Variants in GABRG1 observed in about 807,000 individuals in gnomAD.
The protein encoded by GABRG1 is gamma-aminobutyric acid type A receptor subunit gamma1.
In GABRG1, 49 loss-of-function variants were observed where a neutral mutation model predicts 49.8. The observed-to-expected ratio is 0.98, with a 90% CI of 0.78 to 1.25. The LOEUF is 1.25. Among genes scored for constraint, GABRG1 ranks in the 50% most tolerant of loss-of-function variants. GABRG1 has a pLI of 0.00. For synonymous variants in GABRG1, 232 were observed against 185.1 expected (o/e 1.25, Z -2.06); for missense variants, 552 against 552.3 (o/e 1.00, Z 0.01).
Position 46,038,576 on chromosome 4 carries a change from G to A in GABRG1, c.*2412C>T, listed in dbSNP as rs1172743326. The A allele has an allele frequency of 1.3e-5, 2 of 151,420 alleles. No homozygotes were observed. The highest frequency in any genetic ancestry group is 2.4e-5 in the African/African-American group (1 of 41,324). The allele number at this position is 151,420 out of a possible 1,614,324, so 9.4% of individuals were successfully genotyped here. A position where few individuals can be genotyped will look rare whatever the true frequency, so the allele number is the denominator to read the frequency against. Reference sequence around the variant, plus strand: ...ATTTTTTAAAAAAATTATTTCTCAAGGTGGTGAAACTTATACTTGGAATAG... The same window carrying A: ...ATTTTTTAAAAAAATTATTTCTCAAAGTGGTGAAACTTATACTTGGAATAG... On this transcript the variant is annotated 3_prime_UTR_variant, in exon 9 of 9. Coordinates refer to ENST00000295452, the MANE Select transcript of GABRG1 (RefSeq NM_173536.4).
chr4:46,043,402 TGAAA>T (rs1239201194), intron 8 of GABRG1, among the ~76,000 whole-genome samples: 2 of 151,836 alleles, frequency 1.3e-5, no homozygotes, highest in African/African-American at 4.8e-5. Context: ...GTTCATGAAT[TGAAA>T]GAAACTACAC....
chr4:46,056,755 T>A (rs1433003967), intron 7 of GABRG1, among the ~76,000 whole-genome samples: 1 of 152,100 alleles, frequency 6.6e-6, no homozygotes, highest in Non-Finnish European at 1.5e-5. Context: ...TTCAGGAAAT[T>A]GTCTTGCAGT....
chr4:46,048,363 G>A (rs1267638592), intron 8 of GABRG1, among the ~76,000 whole-genome samples: 2 of 147,234 alleles, frequency 1.4e-5, no homozygotes, highest in Non-Finnish European at 3.0e-5. Context: ...TGGTCATAAT[G>A]GAATAGAGAA....
At chr4:46,109,711 GTC>G (rs1720661369) in intron 1 of GABRG1, among the ~76,000 whole-genome samples, 1 of 151,094 alleles carries the variant, frequency 6.6e-6, no homozygotes, top group Non-Finnish European at 1.5e-5. Flanking sequence ...AGTATATTGT[GTC>G]TCTGTCTTCA....
intron 8 of GABRG1, among the ~76,000 whole-genome samples, chr4:46,044,891 G>A (rs917955173): frequency 5.9e-5 from 9 of 152,028 alleles, no homozygotes; most frequent in African/African-American, 1.7e-4. Context: ...AGAAAGGTTA[G>A]GGCTCTTGAT....
At chr4:46,096,888 T>C (rs756803001) in intron 2 of GABRG1, among the ~76,000 whole-genome samples, 8 of 151,802 alleles carry the variant, frequency 5.3e-5, no homozygotes, top group Non-Finnish European at 8.8e-5. Flanking sequence ...AAAATGGTCA[T>C]TATTCTGTAT....
chr4:46,053,994 A>AG (rs1718347812), intron 7 of GABRG1, among the ~76,000 whole-genome samples: 12 of 38,174 alleles, frequency 3.1e-4, no homozygotes, highest in African/African-American at 5.3e-4. Context: ...CATCGTTTAA[A>AG]TCTTTAATCC....
intron 5 of GABRG1, among the ~76,000 whole-genome samples, chr4:46,060,755 A>C (rs1948609): frequency 0.51 from 76,735 of 151,770 alleles, 19,974 homozygotes; most frequent in African/African-American, 0.63. Context: ...CTTGCTCTCT[A>C]GGGTTGTAGC....
intron 3 of GABRG1, among the ~76,000 whole-genome samples, chr4:46,072,849 T>A (rs1014476979): frequency 6.6e-6 from 1 of 152,068 alleles, no homozygotes; most frequent in South Asian, 2.1e-4. Flanking sequence ...TACCTGTTTT[T>A]TAAACCTATT....
rs565366431 is a variant in GABRG1 at position 46,097,098 on chromosome 4, A to G, written c.253+103T>C. 2.6e-4 allele frequency: 258 copies of G among 994,076 alleles called. 3 individuals carry two copies. The South Asian group carries it at 6.0e-3, about 23-fold the overall frequency. The allele number at this position is 994,076 out of a possible 1,614,324, so 61.6% of individuals were successfully genotyped here. A position where few individuals can be genotyped will look rare whatever the true frequency, so the allele number is the denominator to read the frequency against. On this transcript the variant is annotated intron_variant, in intron 2 of 8. Coordinates refer to ENST00000295452, the MANE Select transcript of GABRG1 (RefSeq NM_173536.4). Reference sequence around the variant, plus strand: ...ATCTTCAAATTCAGCAGATTCTCTGACATACATCAGACACTCAAGGAATAA... The same window carrying G: ...ATCTTCAAATTCAGCAGATTCTCTGGCATACATCAGACACTCAAGGAATAA...
intron 1 of GABRG1, among the ~76,000 whole-genome samples, chr4:46,106,343 G>A (rs1348761211): frequency 6.6e-6 from 1 of 151,394 alleles, no homozygotes; most frequent in Non-Finnish European, 1.5e-5. Context: ...CTGGGTCCCA[G>A]GGGATACCCC....
At chr4:46,117,781 C>T (rs1720959697) in intron 1 of GABRG1, among the ~76,000 whole-genome samples, 2 of 136,276 alleles carry the variant, frequency 1.5e-5, no homozygotes, top group South Asian at 4.6e-4. Context: ...TATATACATA[C>T]ATGTATATAC....
At chr4:46,048,361 A>G (rs1000609760) in intron 8 of GABRG1, among the ~76,000 whole-genome samples, 9 of 148,618 alleles carry the variant, frequency 6.1e-5, no homozygotes, top group Non-Finnish European at 1.2e-4. Flanking sequence ...TTTGGTCATA[A>G]TGGAATAGAG....
At chr4:46,079,258 T>C (rs2109419670) in intron 3 of GABRG1, among the ~76,000 whole-genome samples, 1 of 151,962 alleles carries the variant, frequency 6.6e-6, no homozygotes, top group South Asian at 2.1e-4. Context: ...CAGCATGCAC[T>C]TATTTTGAAG....
At chr4:46,064,167 T>A (rs1718818881) in intron 5 of GABRG1, among the ~76,000 whole-genome samples, 4 of 152,116 alleles carry the variant, frequency 2.6e-5, no homozygotes, top group Non-Finnish European at 5.9e-5. Context: ...TTTTCAATAC[T>A]CCTTTATTTA....
At chr4:46,095,046 A>G (rs1227356051) in intron 2 of GABRG1, among the ~76,000 whole-genome samples, 1 of 151,870 alleles carries the variant, frequency 6.6e-6, no homozygotes, top group Non-Finnish European at 1.5e-5. Context: ...CAAGATAAAT[A>G]CATTTCTCAC....
chr4:46,051,146 T>G (rs1718203166), intron 8 of GABRG1, among the ~76,000 whole-genome samples: 2 of 151,748 alleles, frequency 1.3e-5, no homozygotes. Context: ...CAAAGGTAAA[T>G]CACAAATAAT....
At chr4:46,047,079 T>A (rs1378170887) in intron 8 of GABRG1, among the ~76,000 whole-genome samples, 2 of 152,120 alleles carry the variant, frequency 1.3e-5, no homozygotes, top group African/African-American at 4.8e-5. Flanking sequence ...ATGTTCTACA[T>A]CTACACTCTT....
At chr4:46,065,214 C>T (rs997294904) in intron 4 of GABRG1, 150 bp downstream of exon 4, 2 of 555,598 alleles carry the variant, frequency 3.6e-6, no homozygotes, top group Non-Finnish European at 6.3e-6. Flanking sequence ...AAAAGTATTG[C>T]CAAAGTATTT....
Sources: gnomAD v4.1 joint callset for allele counts (sites outside exome capture counted in the v4.1 genomes callset) on GRCh38, gnomAD v4.1.1 for gene constraint, MANE v1.5 for transcripts, NCBI Gene and HGNC (gene_info 2026-07-23, HGNC 2026-07-21) for gene names.